Variants in DPP6 observed in about 807,000 individuals in gnomAD.
DPP6 encodes the protein A-type potassium channel modulatory protein DPP6.
Under a neutral mutation model 122.6 loss-of-function variants are expected in DPP6, and 69 were observed. The observed-to-expected ratio is 0.56, with a 90% CI of 0.46 to 0.69. The LOEUF is 0.69. Ranked by LOEUF, DPP6 falls within the 30% of genes least tolerant of loss-of-function variation. The probability of loss-of-function intolerance (pLI) is 0.00; values close to 1 mark genes in which losing one functional copy is unlikely to be tolerated. For missense variants in DPP6, 928 were observed against 1,116.9 expected (o/e 0.83, Z 2.41); for synonymous variants, 418 against 433.1 (o/e 0.97, Z 0.43).
chr7:154,413,092 C>T (rs1449218436), intron 1 of DPP6, among the ~76,000 whole-genome samples: 2 of 152,200 alleles, frequency 1.3e-5, no homozygotes, highest in Non-Finnish European at 2.9e-5. Context: ...GAGATTCCCC[C>T]ACTGACCTCC....
At chr7:154,212,305 C>T (rs1478955502) in intron 1 of DPP6, among the ~76,000 whole-genome samples, 1 of 152,218 alleles carries the variant, frequency 6.6e-6, no homozygotes, top group Non-Finnish European at 1.5e-5. Flanking sequence ...ATACCAAATG[C>T]ATTACTCATG....
chr7:154,462,620 T>C (rs1229593280), intron 2 of DPP6, among the ~76,000 whole-genome samples: 1 of 152,144 alleles, frequency 6.6e-6, no homozygotes, highest in African/African-American at 2.4e-5. Context: ...TTATTTGCAG[T>C]GATTATAAAT....
At chr7:154,148,828 C>G (rs1796257457) in intron 1 of DPP6, among the ~76,000 whole-genome samples, 1 of 152,214 alleles carries the variant, frequency 6.6e-6, no homozygotes, top group Non-Finnish European at 1.5e-5. Context: ...TGCCCTGTGA[C>G]TGAAGCAGGG....
chr7:154,260,033 C>T (rs530490808), intron 1 of DPP6, among the ~76,000 whole-genome samples: 1 of 152,254 alleles, frequency 6.6e-6, no homozygotes, highest in South Asian at 2.1e-4. Context: ...GAGAGGTCCT[C>T]TCTAGAGAAT....
At chr7:154,815,973 C>T (rs2150485863) in intron 16 of DPP6, among the ~76,000 whole-genome samples, 1 of 152,194 alleles carries the variant, frequency 6.6e-6, no homozygotes, top group Non-Finnish European at 1.5e-5. Context: ...TTAAATATTC[C>T]CCAAGATCTT....
chr7:153,852,574 A>G, the DPP6 span, among the ~76,000 whole-genome samples: 70 of 152,244 alleles, frequency 4.6e-4, no homozygotes, highest in African/African-American at 1.6e-3. Context: ...CCCCACCTCC[A>G]ACACTGGGGA....
chr7:154,821,193 C>T lies in DPP6; in HGVS notation c.1666+14081C>T, dbSNP rs1335117621. On this transcript the variant is annotated intron_variant, in intron 16 of 25. Transcript: ENST00000377770. The surrounding 1 kb of genome is among the most constrained non-coding windows in gnomAD (Gnocchi z 4.2). ...GTGTTTCCCTAAACTGTGTTGGCTG[C>T]TAGAGAGCTTAGCATGAAATGTGTG... Among the ~76,000 whole-genome samples, 1 of 152,200 alleles carries T rather than the reference C, an allele frequency of 6.6e-6. No homozygotes were observed. The highest frequency in any genetic ancestry group is 1.5e-5 in the Non-Finnish European group (1 of 68,036).
At chr7:154,804,342 A>G (rs538165282) in intron 14 of DPP6, among the ~76,000 whole-genome samples, 1 of 152,360 alleles carries the variant, frequency 6.6e-6, no homozygotes, top group African/African-American at 2.4e-5. Context: ...CATTTTAAAA[A>G]TAAGTAAATG....
chr7:154,669,515 C>G, intron 7 of DPP6, 74 bp downstream of exon 7: 1 of 1,532,126 alleles, frequency 6.5e-7, no homozygotes, highest in Non-Finnish European at 8.8e-7. Context: ...ATGGATCTCA[C>G]TGTACTCAGC....
Position 154,709,590 on chromosome 7 carries a change from T to TTC in DPP6, c.763-18176_763-18175insCT, listed in dbSNP as rs1347923772. Among the ~76,000 whole-genome samples, 4 of 151,566 alleles carry TTC rather than the reference T, an allele frequency of 2.6e-5. No individual in the cohort carries two copies. The South Asian group carries it at 6.3e-4, about 24-fold the overall frequency. ...CTGTAAGACAACGACATTTTTCTTT[T>TTC]TTTTTTTTTTCAAATATTCCACAAA... On this transcript the variant is annotated intron_variant, in intron 7 of 25. Coordinates refer to ENST00000377770, the MANE Select transcript of DPP6 (RefSeq NM_130797.4).
chr7:154,107,293 A>G (rs888317699), intron 1 of DPP6, among the ~76,000 whole-genome samples: 37 of 152,238 alleles, frequency 2.4e-4, no homozygotes, highest in Non-Finnish European at 4.3e-4. Context: ...GACAACATGA[A>G]TGAACCTGGA....
chr7:154,009,043 T>G, intron 1 of DPP6, among the ~76,000 whole-genome samples: 1 of 122,184 alleles, frequency 8.2e-6, no homozygotes, highest in East Asian at 2.3e-4. Flanking sequence ...ATTGTTGTTC[T>G]CTCTTCAGCA....
chr7:154,169,745 A>G (rs969519646), intron 1 of DPP6, among the ~76,000 whole-genome samples: 2 of 152,052 alleles, frequency 1.3e-5, no homozygotes, highest in Non-Finnish European at 2.9e-5. Flanking sequence ...TATTATTATT[A>G]TTTGAGATGG....
At chr7:153,778,915 CA>C in the DPP6 span, among the ~76,000 whole-genome samples, 1 of 148,828 alleles carries the variant, frequency 6.7e-6, no homozygotes, top group Non-Finnish European at 1.5e-5. Context: ...ATAGTCATTC[CA>C]AATGAAACAA....
At position 154,821,628 on chromosome 7, in the gene DPP6, G is replaced by GTATATATATATATATA. The variant is rs71184038; in HGVS notation, c.1666+14519_1666+14534dup. 1.5e-5 allele frequency among the ~76,000 whole-genome samples: 1 copy of GTATATATATATATATA among 68,368 alleles called. No homozygotes were observed. The highest frequency in any genetic ancestry group is 5.4e-5 in the African/African-American group (1 of 18,428). 44.9% of individuals were successfully genotyped at this position (68,368 alleles called of 152,430 possible). ...ATATATATATATATATTTTTTTTCT[G>GTATATATATATATATA]TATATATATATATATATACACATAT... On this transcript the variant is annotated intron_variant, in intron 16 of 25. Coordinates refer to ENST00000377770, the MANE Select transcript of DPP6 (RefSeq NM_130797.4). This position sits in a 1 kb window ranked among gnomAD's most constrained non-coding sequence, Gnocchi z 4.2.
intron 5 of DPP6, among the ~76,000 whole-genome samples, chr7:154,629,943 G>T (rs1363638398): frequency 6.6e-6 from 1 of 152,186 alleles, no homozygotes; most frequent in East Asian, 1.9e-4. Flanking sequence ...AAAAGTAAGA[G>T]TTTCGTGGAC....
intron 1 of DPP6, among the ~76,000 whole-genome samples, chr7:154,141,493 T>C (rs1452677332): frequency 1.3e-5 from 2 of 152,230 alleles, no homozygotes; most frequent in Non-Finnish European, 2.9e-5. Context: ...TAGTAGCTGC[T>C]CAGTACATAC....
chr7:154,473,213 C>T (rs771801457), intron 2 of DPP6, among the ~76,000 whole-genome samples: 11 of 152,270 alleles, frequency 7.2e-5, no homozygotes, highest in Non-Finnish European at 1.3e-4. Flanking sequence ...AGATTAATGT[C>T]TAGTAATTTT....
intron 10 of DPP6, among the ~76,000 whole-genome samples, chr7:154,788,669 G>A (rs912690411): frequency 6.6e-6 from 1 of 152,142 alleles, no homozygotes; most frequent in African/African-American, 2.4e-5. Context: ...AACATATTTA[G>A]ATGTTTCATT....
Sources: gnomAD v4.1 joint callset for allele counts (sites outside exome capture counted in the v4.1 genomes callset) on GRCh38, gnomAD v4.1.1 for gene constraint, Gnocchi (gnomAD v3.1) non-coding constraint, MANE v1.5 for transcripts, NCBI Gene and HGNC (gene_info 2026-07-23, HGNC 2026-07-21) for gene names.